The following COL22A1 variants were observed in gnomAD, a reference collection of about 807,000 sequenced individuals.
COL22A1 encodes the protein collagen alpha-1(XXII) chain.
Under a neutral mutation model 248.9 loss-of-function variants are expected in COL22A1, and 221 were observed. That is an observed-to-expected ratio of 0.89 (90% CI 0.80 to 0.99). The LOEUF is 0.99. Ranked by LOEUF, COL22A1 falls within the 50% of genes least tolerant of loss-of-function variation. COL22A1 has a pLI of 0.00. For missense variants in COL22A1, 2,240 were observed against 2,179.0 expected (o/e 1.03, Z -0.56); for synonymous variants, 891 against 793.4 (o/e 1.12, Z -2.07).
At chr8:138,763,262 C>A (rs542799355) in intron 16 of COL22A1, among the ~76,000 whole-genome samples, 1 of 152,158 alleles carries the variant, frequency 6.6e-6, no homozygotes, top group South Asian at 2.1e-4. Context: ...TGGCGTGTGC[C>A]TGTAGTCCCA....
intron 16 of COL22A1, among the ~76,000 whole-genome samples, chr8:138,762,808 C>T (rs940303975): frequency 6.6e-6 from 1 of 152,164 alleles, no homozygotes; most frequent in African/African-American, 2.4e-5. Context: ...GTCTGTAATG[C>T]AGTTCATAAA....
At position 138,877,741 on chromosome 8, in the gene COL22A1, C is replaced by G. The variant is rs766273142; in HGVS notation, c.658+9G>C. ...TGGGAGGGGCCGCATGGGGCCCGGG[C>G]GCACTCACTTTCACAAAGACGGCGC... On this transcript the variant is annotated intron_variant, in intron 3 of 64. Coordinates refer to ENST00000303045, the MANE Select transcript of COL22A1 (RefSeq NM_152888.3). The G allele has an allele frequency of 1.9e-6, 3 of 1,565,288 alleles. No homozygotes were observed. The highest frequency in any genetic ancestry group is 2.6e-6 in the Non-Finnish European group (3 of 1,153,486).
At chr8:138,768,988 C>T (rs1486698579) in intron 16 of COL22A1, among the ~76,000 whole-genome samples, 2 of 152,084 alleles carry the variant, frequency 1.3e-5, no homozygotes, top group African/African-American at 4.8e-5. Context: ...GCTACCTCCC[C>T]CATGAAGACT....
intron 45 of COL22A1, among the ~76,000 whole-genome samples, chr8:138,655,650 T>C (rs1276561591): frequency 6.6e-6 from 1 of 152,220 alleles, no homozygotes; most frequent in Non-Finnish European, 1.5e-5. Flanking sequence ...GGTGAGCCAC[T>C]GTGCCTGGCC....
chr8:138,616,067 A>G lies in COL22A1; in HGVS notation c.3871-13T>C. 1 of 1,609,952 alleles carries G rather than the reference A, an allele frequency of 6.2e-7. No homozygotes were observed. Among genetic ancestry groups the G allele is most frequent in the Non-Finnish European group, 8.5e-7 (1 of 1,176,880 alleles). ...CACCAGACTCTCCCTAGGAACAAAA[A>G]AGCCTGCTATTAGGGAAGGAGATGC... is the stretch of plus-strand genomic sequence containing the variant. On this transcript the variant is annotated splice_polypyrimidine_tract_variant and intron_variant, in intron 54 of 64. Transcript: ENST00000303045.
intron 40 of COL22A1, among the ~76,000 whole-genome samples, chr8:138,677,051 T>G (rs916750463): frequency 3.3e-5 from 5 of 152,334 alleles, no homozygotes; most frequent in Non-Finnish European, 5.9e-5. Context: ...AATTTATCAA[T>G]TCACCAATAA....
intron 4 of COL22A1, among the ~76,000 whole-genome samples, chr8:138,835,537 C>CGCCAGCTGCTTGAAGACAGGG (rs1820362184): frequency 6.6e-6 from 1 of 152,278 alleles, no homozygotes; most frequent in African/African-American, 2.4e-5. Flanking sequence ...TTTCCTGACC[C>CGCCAGCTGCTTGAAGACAGGG]GCCAGCTGCT....
At chr8:138,617,534 C>T (rs1355659141) in intron 53 of COL22A1, among the ~76,000 whole-genome samples, 1 of 152,164 alleles carries the variant, frequency 6.6e-6, no homozygotes, top group East Asian at 1.9e-4. Flanking sequence ...GTTTCAGGCC[C>T]TGTGAGTGAA....
At position 138,639,530 on chromosome 8, in the gene COL22A1, T is replaced by C. The variant is rs1310053739; in HGVS notation, c.3502-2735A>G. Among the ~76,000 whole-genome samples, 3 of 152,108 alleles carry C rather than the reference T, an allele frequency of 2.0e-5. No homozygotes were observed. The East Asian group carries it at 5.8e-4, about 29-fold the overall frequency. On this transcript the variant is annotated intron_variant, in intron 47 of 64. Transcript: ENST00000303045. ...CATATTTAGTCCTCTTCAGAAGAGGTTTATTAAAGAGTCATTTCAAGGGCT... is the reference window on the plus strand; with the variant it reads ...CATATTTAGTCCTCTTCAGAAGAGGCTTATTAAAGAGTCATTTCAAGGGCT...
chr8:138,636,740 A>G lies in COL22A1; in HGVS notation c.3555+2T>C, dbSNP rs1380642021. 6.2e-7 allele frequency: 1 copy of G among 1,611,436 alleles called. No individual in the cohort carries two copies. The highest frequency in any genetic ancestry group is 8.5e-7 in the Non-Finnish European group (1 of 1,177,666). On this transcript the variant is annotated splice_donor_variant, in intron 48 of 64. Transcript: ENST00000303045. LOFTEE classifies it high-confidence loss of function. ...ATGGTTCCTTATAAAGTAAATTTTT[A>G]CCTGATCACCTTTCTGCCCAACCTC...
chr8:138,870,192 G>C (rs184967388), intron 3 of COL22A1, among the ~76,000 whole-genome samples: 1 of 151,904 alleles, frequency 6.6e-6, no homozygotes, highest in African/African-American at 2.4e-5. Context: ...CATGGCCAAT[G>C]GTGTGTGGAG....
rs538552034 is a variant in COL22A1, at chr8:138,812,945, C to T, written c.1320G>A (p.Ser440=). 9.9e-6 allele frequency: 16 copies of T among 1,612,946 alleles called. No homozygotes were observed. Among genetic ancestry groups the T allele is most frequent in the South Asian group, 7.7e-5 (7 of 91,050 alleles). The stretch of plus-strand genomic sequence containing the variant: ...TGTGCGAGAGTCTGCTCACCGGACC[C>T]GAGGGGATATCACAACAAGTCTCCA... The part of the protein sequence containing the change: ...AELETCCDIP[S]GPCQVTVVTE... Residue 440 remains serine (S), a synonymous_variant, in exon 8 of 65, where the codon TCG becomes TCA. Coordinates refer to ENST00000303045, the MANE Select transcript of COL22A1 (RefSeq NM_152888.3).
chr8:138,723,644 C>G (rs1453495977), intron 25 of COL22A1, among the ~76,000 whole-genome samples: 1 of 152,184 alleles, frequency 6.6e-6, no homozygotes, highest in Admixed American at 6.5e-5. Flanking sequence ...GGTGACGTTG[C>G]AGTTGACTGT....
At chr8:138,785,718 G>A (rs201672759) in intron 12 of COL22A1, among the ~76,000 whole-genome samples, 5 of 152,160 alleles carry the variant, frequency 3.3e-5, no homozygotes, top group East Asian at 1.9e-4. Flanking sequence ...GTTTTCTAGC[G>A]TTGTTGGTTC....
At chr8:138,662,866 C>T (rs1587802705) in intron 42 of COL22A1, among the ~76,000 whole-genome samples, 1 of 152,304 alleles carries the variant, frequency 6.6e-6, no homozygotes, top group East Asian at 1.9e-4. Flanking sequence ...CCCTGTAGCC[C>T]TGTGCTGGGC....
At chr8:138,887,229 G>GTT (rs1308143444) in intron 1 of COL22A1, among the ~76,000 whole-genome samples, 21 of 139,870 alleles carry the variant, frequency 1.5e-4, no homozygotes, top group Admixed American at 3.6e-4. Context: ...GTCTCTCATT[G>GTT]TTTTTTTTTT....
intron 47 of COL22A1, among the ~76,000 whole-genome samples, chr8:138,638,965 C>T (rs1401099445): frequency 6.6e-6 from 1 of 152,178 alleles, no homozygotes; most frequent in East Asian, 1.9e-4. Context: ...AAAGCAAACA[C>T]ACCCACCCCC....
At position 138,684,455 on chromosome 8, in the gene COL22A1, T is replaced by A; in HGVS notation, c.2982A>T (p.Ser994=). The change falls in exon 39 of 65, where the codon TCA becomes TCT. Residue 994 remains serine, a synonymous_variant. Coordinates refer to ENST00000303045, the MANE Select transcript of COL22A1 (RefSeq NM_152888.3). ...TTCCTAGGGGTCCAGGGAGTCCAGG[T>A]GATCCACGGAGTCCCTGGAGAAATA... The part of the protein sequence containing the change: ...GKDGEPGLRG[S]PGLPGPLGTK... 2 of 1,611,210 alleles carry A rather than the reference T, an allele frequency of 1.2e-6. No homozygotes were observed. Among genetic ancestry groups the A allele is most frequent in the Non-Finnish European group, 1.7e-6 (2 of 1,177,462 alleles).
chr8:138,632,940 C>T (rs1415977061), intron 49 of COL22A1, among the ~76,000 whole-genome samples: 2 of 152,082 alleles, frequency 1.3e-5, no homozygotes, highest in South Asian at 2.1e-4. Flanking sequence ...AAAAAAAATT[C>T]CCTACTGCAT....
Sources: gnomAD v4.1 joint callset for allele counts (sites outside exome capture counted in the v4.1 genomes callset) on GRCh38, gnomAD v4.1.1 for gene constraint, MANE v1.5 for transcripts, NCBI Gene and HGNC (gene_info 2026-07-23, HGNC 2026-07-21) for gene names.